SCGB1C1: variants seen among roughly 807,000 people sequenced by gnomAD.
The protein encoded by SCGB1C1 is secretoglobin family 1C member 1.
A neutral mutation model predicts 8.9 loss-of-function variants in SCGB1C1; 2 were observed. The observed-to-expected ratio is 0.23, with a 90% CI of 0.09 to 0.71. The LOEUF is 0.71. Ranked by LOEUF, SCGB1C1 falls within the 30% of genes least tolerant of loss-of-function variation. The pLI, the probability that SCGB1C1 is intolerant of heterozygous loss-of-function variation, is 0.78. For missense variants in SCGB1C1, 25 were observed against 112.7 expected (o/e 0.22, Z 3.52); for synonymous variants, 6 against 45.8 (o/e 0.13, Z 3.51).
upstream of SCGB1C1, among the ~76,000 whole-genome samples, chr11:188,307 C>T (rs2461561): frequency 6.6e-6 from 1 of 151,384 alleles, no homozygotes; most frequent in East Asian, 2.0e-4. Context: ...TGTTGTAATT[C>T]TGTATTTTAA....
intron 2 of SCGB1C1, 92 bp from the exon 3 acceptor site, chr11:194,326 C>A (rs1268881132): frequency 3.3e-6 from 4 of 1,201,426 alleles, no homozygotes; most frequent in Admixed American, 1.7e-5. Flanking sequence ...ATGCCAGACC[C>A]CCCCCCACTG....
upstream of SCGB1C1, among the ~76,000 whole-genome samples, chr11:190,670 G>A (rs1275148290): frequency 6.7e-6 from 1 of 150,286 alleles, no homozygotes; most frequent in East Asian, 1.9e-4. Flanking sequence ...ACTTAGGCTT[G>A]TGGGACCTCC....
At chr11:193,512 C>G (rs1854853530) in intron 1 of SCGB1C1, among the ~76,000 whole-genome samples, 200 bp from the exon 2 acceptor site, 1 of 152,142 alleles carries the variant, frequency 6.6e-6, no homozygotes, top group Admixed American at 6.5e-5. Context: ...ATTGGAGCAG[C>G]TAAGATTAAG....
chr11:191,752 A>G (rs1177310566), upstream of SCGB1C1, among the ~76,000 whole-genome samples: 2 of 152,306 alleles, frequency 1.3e-5, no homozygotes, highest in African/African-American at 4.8e-5. Context: ...AACTCTTTTC[A>G]TTGCCAGTGG....
upstream of SCGB1C1, among the ~76,000 whole-genome samples, chr11:190,760 C>G (rs1319072410): frequency 3.7e-4 from 56 of 152,160 alleles, no homozygotes; most frequent in African/African-American, 1.2e-3. Flanking sequence ...ATCCCAGGCA[C>G]ACTGACAGCG....
At chr11:190,767 A>G (rs1378072449), upstream of SCGB1C1, among the ~76,000 whole-genome samples, 1 of 152,286 alleles carries the variant, frequency 6.6e-6, no homozygotes, top group Admixed American at 6.5e-5. Flanking sequence ...GCACACTGAC[A>G]GCGATCACGT....
upstream of SCGB1C1, among the ~76,000 whole-genome samples, chr11:192,658 T>C (rs373952992): frequency 6.4e-3 from 956 of 150,528 alleles, 5 homozygotes; most frequent in African/African-American, 0.022. Flanking sequence ...CCCTGCCTGA[T>C]TGGAGACCCC....
chr11:194,552 T>C lies in SCGB1C1; in HGVS notation c.*102T>C. ...ACATGGAAATGTATCCTCAAACCGT[T>C]TAATCAATAAAGCCTCTTCCGCAGC... On this transcript the variant is annotated 3_prime_UTR_variant, in exon 3 of 3. Transcript: ENST00000342878. The C allele has an allele frequency of 8.6e-6, 5 of 582,672 alleles. No homozygotes were observed. The highest frequency in any genetic ancestry group is 1.2e-5 in the Non-Finnish European group (4 of 327,142). The allele number at this position is 582,672 out of a possible 1,614,324, so 36.1% of individuals were successfully genotyped here. A position where few individuals can be genotyped will look rare whatever the true frequency, so the allele number is the denominator to read the frequency against.
Position 193,113 on chromosome 11 carries a change from G to A in SCGB1C1, c.14G>A (p.Arg5His), listed in dbSNP as rs200059999. 264 of 1,472,446 alleles carry A rather than the reference G, an allele frequency of 1.8e-4. 23 individuals carry two copies. Among genetic ancestry groups the A allele is most frequent in the African/African-American group, 1.6e-3 (111 of 68,060 alleles). 91.2% of individuals were successfully genotyped at this position (1,472,446 alleles called of 1,614,324 possible). The change falls in exon 1 of 3, where the codon CGT (arginine) becomes CAT (histidine). Residue 5 changes from arginine to histidine, a missense_variant. Coordinates refer to ENST00000342878, the MANE Select transcript of SCGB1C1 (RefSeq NM_145651.3). ...GAGACTGCTGGCATGAAGGGGAGCC[G>A]TGCCCTCCTGCTGGTGGCCCTCACC... MKGS[R>H]ALLLVALTLF... is the part of the protein sequence containing the mutation.
At chr11:188,172 C>T (rs2461562), upstream of SCGB1C1, among the ~76,000 whole-genome samples, 16,134 of 105,312 alleles carry the variant, frequency 0.15, 5 homozygotes, top group East Asian at 0.39. Flanking sequence ...TCACTTTTTT[C>T]CTCTGGCTAT....
At chr11:191,744 C>A (rs1355799849), upstream of SCGB1C1, among the ~76,000 whole-genome samples, 1 of 152,424 alleles carries the variant, frequency 6.6e-6, no homozygotes, top group East Asian at 1.9e-4. Context: ...AAAACAAGAA[C>A]TCTTTTCATT....
At chr11:194,303 G>C (rs568563430) in intron 2 of SCGB1C1, 115 bp from the exon 3 acceptor site, 1 of 810,636 alleles carries the variant, frequency 1.2e-6, no homozygotes, top group African/African-American at 1.7e-5. Flanking sequence ...GCTGGGAGGA[G>C]ATAGGCAGCA....
chr11:191,366 G>C (rs1307853597), upstream of SCGB1C1, among the ~76,000 whole-genome samples: 1 of 109,316 alleles, frequency 9.1e-6, no homozygotes, highest in Non-Finnish European at 1.9e-5. Flanking sequence ...ACAAAAGGTA[G>C]ATATACACAA....
At chr11:192,906 AC>A (rs1195334446), upstream of SCGB1C1, among the ~76,000 whole-genome samples, 21 of 131,530 alleles carry the variant, frequency 1.6e-4, no homozygotes, top group Non-Finnish European at 3.1e-4. Context: ...CCGCTTGCCA[AC>A]CACCTGTCAC....
rs757394307 is a variant in SCGB1C1, at chr11:193,891, G to A, written c.235G>A (p.Ala79Thr). The A allele has an allele frequency of 2.7e-6, 4 of 1,481,650 alleles. No homozygotes were observed. The highest frequency in any genetic ancestry group is 2.8e-6 in the Non-Finnish European group (3 of 1,086,514). The allele number at this position is 1,481,650 out of a possible 1,614,324, so 91.8% of individuals were successfully genotyped here. The change falls in exon 2 of 3, where the codon GCG becomes ACG. Residue 79 changes from alanine (A) to threonine (T), a missense_variant. Transcript: ENST00000342878. ...CIDGLQPMHK[A>T]ELVKLLVQVL... ...AGATGGCCTGCAGCCAATGCACAAG[G>A]CGGAGCTGGTCAAGCTGCTGGTATG...
chr11:190,452 A>T (rs1481671079), upstream of SCGB1C1, among the ~76,000 whole-genome samples: 1 of 151,562 alleles, frequency 6.6e-6, no homozygotes, highest in African/African-American at 2.4e-5. Context: ...CAAAGATGGC[A>T]GATAACTTCA....
chr11:189,537 T>G (rs1431215188), upstream of SCGB1C1, among the ~76,000 whole-genome samples: 2 of 17,416 alleles, frequency 1.1e-4, no homozygotes, highest in Non-Finnish European at 1.1e-4. Context: ...ACGCACGTCG[T>G]TAGGCTGTGG....
upstream of SCGB1C1, among the ~76,000 whole-genome samples, chr11:188,411 C>A (rs1483015772): frequency 2.0e-5 from 3 of 151,218 alleles, no homozygotes; most frequent in African/African-American, 4.8e-5. Flanking sequence ...CATAACAATT[C>A]TTCAAAAAAA....
At chr11:191,820 CT>C (rs1275511974), upstream of SCGB1C1, among the ~76,000 whole-genome samples, 1 of 89,294 alleles carries the variant, frequency 1.1e-5, no homozygotes, top group African/African-American at 4.5e-5. Context: ...ACCCTAACCC[CT>C]AACCCCTAAC....
Sources: gnomAD v4.1 joint callset for allele counts (sites outside exome capture counted in the v4.1 genomes callset) on GRCh38, gnomAD v4.1.1 for gene constraint, MANE v1.5 for transcripts, NCBI Gene and HGNC (gene_info 2026-07-23, HGNC 2026-07-21) for gene names.